The following RNF144A variants were observed in gnomAD, a reference collection of about 807,000 sequenced individuals.
RNF144A encodes ring finger protein 144A.
Under a neutral mutation model 38.7 loss-of-function variants are expected in RNF144A, and 11 were observed. The observed-to-expected ratio is 0.28, with a 90% CI of 0.18 to 0.47. The LOEUF is 0.47. RNF144A is among the 20% of genes least tolerant of loss of function. The probability of loss-of-function intolerance (pLI) is 0.99; values close to 1 mark genes in which losing one functional copy is unlikely to be tolerated. For missense variants in RNF144A, 316 were observed against 377.2 expected, an observed-to-expected ratio of 0.84 and a Z score of 1.34; for synonymous variants, 149 against 143.9, an observed-to-expected ratio of 1.04 and a Z score of -0.25.
chr2:6,989,198 A>ATAT (rs1669178509), intron 2 of RNF144A, among the ~76,000 whole-genome samples: 2 of 152,248 alleles, frequency 1.3e-5, no homozygotes, highest in Non-Finnish European at 2.9e-5. Context: ...TGTGCACACA[A>ATAT]GTCTATACAT....
intron 2 of RNF144A, among the ~76,000 whole-genome samples, chr2:6,963,596 CAAGAG>C (rs1451040724): frequency 6.6e-6 from 1 of 152,196 alleles, no homozygotes; most frequent in Non-Finnish European, 1.5e-5. Flanking sequence ...AAGACTATTA[CAAGAG>C]AAGAGGCCCA....
chr2:7,013,551 C>T (rs766252209), intron 3 of RNF144A, among the ~76,000 whole-genome samples: 1 of 151,930 alleles, frequency 6.6e-6, no homozygotes, highest in African/African-American at 2.4e-5. Context: ...TTGGGGATGC[C>T]GTTGTAGGAT....
intron 3 of RNF144A, among the ~76,000 whole-genome samples, chr2:7,007,154 C>T (rs182724219): frequency 6.6e-6 from 1 of 152,164 alleles, no homozygotes; most frequent in East Asian, 1.9e-4. Context: ...TTCCAGGAGG[C>T]CTGTCTAGGA....
chr2:7,008,578 C>T (rs962648042), intron 3 of RNF144A, among the ~76,000 whole-genome samples: 1 of 152,222 alleles, frequency 6.6e-6, no homozygotes, highest in Non-Finnish European at 1.5e-5. Context: ...GCTGCTGCCT[C>T]CTGGCCTACT....
chr2:6,983,352 G>T (rs1284147471), intron 2 of RNF144A, among the ~76,000 whole-genome samples: 1 of 152,170 alleles, frequency 6.6e-6, no homozygotes. Flanking sequence ...ATCCCTGGGG[G>T]ACTGTGGATC....
At chr2:7,038,825 G>A (rs1373792760) in intron 8 of RNF144A, among the ~76,000 whole-genome samples, 2 of 151,770 alleles carry the variant, frequency 1.3e-5, no homozygotes, top group African/African-American at 2.4e-5. Flanking sequence ...TGGGTGGATA[G>A]GTGGATGAAT....
At chr2:6,995,050 T>G (rs948056111) in intron 2 of RNF144A, among the ~76,000 whole-genome samples, 24 of 152,130 alleles carry the variant, frequency 1.6e-4, no homozygotes, top group African/African-American at 5.6e-4. Flanking sequence ...GTCTTCTCCC[T>G]CCTGGTAGAA....
chr2:7,071,311 G>A (rs903312237), downstream of RNF144A, among the ~76,000 whole-genome samples: 19 of 152,164 alleles, frequency 1.2e-4, no homozygotes, highest in African/African-American at 2.9e-4. Flanking sequence ...AGGCAGAAAC[G>A]CAATGGGCAG....
downstream of RNF144A, among the ~76,000 whole-genome samples, chr2:7,047,407 A>T (rs1448235276): frequency 6.6e-6 from 1 of 152,158 alleles, no homozygotes; most frequent in Non-Finnish European, 1.5e-5. Context: ...ATGGCGGGGG[A>T]GGCCTCAGAG....
chr2:7,045,849 C>T (rs934293987), downstream of RNF144A, among the ~76,000 whole-genome samples: 1 of 152,162 alleles, frequency 6.6e-6, no homozygotes, highest in African/African-American at 2.4e-5. Flanking sequence ...AGCAGTTCTT[C>T]CCTACGCTGG....
chr2:6,943,068 G>C lies in RNF144A; in HGVS notation c.-12+1921G>C, dbSNP rs557076841. Among the ~76,000 whole-genome samples, 3 of 152,330 alleles carry C rather than the reference G, an allele frequency of 2.0e-5. No individual in the cohort carries two copies. The South Asian group carries it at 6.2e-4, about 32-fold the overall frequency. ...AGCCACCCACATGGAGACACCGAGTGGGTGGTCCTATCCAGATCTGATCGT... is the reference window on the plus strand; with the variant it reads ...AGCCACCCACATGGAGACACCGAGTCGGTGGTCCTATCCAGATCTGATCGT... On this transcript the variant is annotated intron_variant, in intron 2 of 8. Coordinates refer to ENST00000320892, the MANE Select transcript of RNF144A (RefSeq NM_014746.6). This position sits in a 1 kb window ranked among gnomAD's most constrained non-coding sequence, Gnocchi z 4.3.
intron 3 of RNF144A, among the ~76,000 whole-genome samples, chr2:7,013,611 A>G (rs1405928032): frequency 6.6e-6 from 1 of 152,090 alleles, no homozygotes; most frequent in East Asian, 1.9e-4. Context: ...CTCTACATCT[A>G]GTTTCTCTTG....
At chr2:7,033,581 C>G (rs1672466199) in intron 8 of RNF144A, among the ~76,000 whole-genome samples, 1 of 152,340 alleles carries the variant, frequency 6.6e-6, no homozygotes, top group Non-Finnish European at 1.5e-5. Context: ...CTCTACTTCT[C>G]CTGTTCCTGC....
chr2:6,988,325 T>C (rs1460009060), intron 2 of RNF144A, among the ~76,000 whole-genome samples: 1 of 152,194 alleles, frequency 6.6e-6, no homozygotes, highest in African/African-American at 2.4e-5. Context: ...CCCTCTTCAT[T>C]CCAGTTTCTT....
chr2:6,989,924 A>G (rs185272984), intron 2 of RNF144A, among the ~76,000 whole-genome samples: 3 of 152,306 alleles, frequency 2.0e-5, no homozygotes, highest in Admixed American at 6.5e-5. Flanking sequence ...TTAGGTTCCA[A>G]CCAAATTGAA....
At chr2:6,972,798 T>C (rs1236037001) in intron 2 of RNF144A, among the ~76,000 whole-genome samples, 1 of 152,192 alleles carries the variant, frequency 6.6e-6, no homozygotes, top group Non-Finnish European at 1.5e-5. Context: ...CTACAGAGGC[T>C]TGCATCTGGC....
At position 7,043,510 on chromosome 2, in the gene RNF144A, ATG is replaced by A. The variant is rs2103467307; in HGVS notation, c.*3754_*3755del. 4.1e-6 allele frequency: 4 copies of A among 985,730 alleles called. No homozygotes were observed. In the South Asian group the frequency reaches 1.4e-4, roughly 35 times the overall value. The allele number at this position is 985,730 out of a possible 1,614,324, so 61.1% of individuals were successfully genotyped here. On this transcript the variant is annotated 3_prime_UTR_variant, in exon 9 of 9. Coordinates refer to ENST00000320892, the MANE Select transcript of RNF144A (RefSeq NM_014746.6). ...AGATCATCAAGGGAAAACATTTTGC[ATG>A]TGTAAAGCTTCATGAAGTTCTCTTT...
intron 3 of RNF144A, among the ~76,000 whole-genome samples, chr2:6,997,590 G>C (rs1295242401): frequency 1.3e-5 from 2 of 152,128 alleles, no homozygotes; most frequent in Admixed American, 1.3e-4. Flanking sequence ...AATGAATATG[G>C]GGACTTCTAA....
At chr2:6,922,815 G>A (rs1390637724) in intron 1 of RNF144A, among the ~76,000 whole-genome samples, 2 of 152,082 alleles carry the variant, frequency 1.3e-5, no homozygotes, top group African/African-American at 4.8e-5. Flanking sequence ...TAGTAGAGAC[G>A]GGGTTTCACT....
Sources: allele counts gnomAD v4.1 joint callset (sites outside exome capture counted in the v4.1 genomes callset), GRCh38; gene constraint gnomAD v4.1.1; non-coding constraint Gnocchi (gnomAD v3.1); transcripts MANE v1.5; gene names NCBI Gene and HGNC (gene_info 2026-07-23, HGNC 2026-07-21).